The following PARD3 variants were observed in gnomAD, a reference collection of about 807,000 sequenced individuals.
PARD3 encodes the protein par-3 family cell polarity regulator.
PARD3 carries 75 observed loss-of-function variants against 155.4 expected under a neutral mutation model. The ratio of observed to expected loss-of-function variants is 0.48; its 90% CI spans 0.40 to 0.58. The LOEUF (loss-of-function observed/expected upper bound fraction) is 0.58. Among genes scored for constraint, PARD3 ranks in the 20% least tolerant of loss-of-function variants. PARD3 has a pLI of 0.00. For missense variants in PARD3, 1,642 were observed against 1,721.7 expected (o/e 0.95, Z 0.82); for synonymous variants, 576 against 610.5 (o/e 0.94, Z 0.83).
chr10:34,793,625 A>G (rs545077122), intron 1 of PARD3, among the ~76,000 whole-genome samples: 1 of 152,148 alleles, frequency 6.6e-6, no homozygotes, highest in Admixed American at 6.5e-5. Context: ...CATCTCTACT[A>G]AAAATGCAAA....
At chr10:34,237,976 CAAAAAGAGA>C (rs774619954) in intron 22 of PARD3, among the ~76,000 whole-genome samples, 4 of 151,142 alleles carry the variant, frequency 2.6e-5, no homozygotes, top group Non-Finnish European at 5.9e-5. Flanking sequence ...CAAAATGGAG[CAAAAAGAGA>C]AAAAAGCAGC....
chr10:34,540,152 C>T (rs2083501458), intron 2 of PARD3, among the ~76,000 whole-genome samples: 1 of 152,082 alleles, frequency 6.6e-6, no homozygotes, highest in Non-Finnish European at 1.5e-5. Flanking sequence ...CCTCCTGCTT[C>T]CCAGGACATT....
chr10:34,385,076 TA>T (rs1842214054), intron 7 of PARD3, among the ~76,000 whole-genome samples: 1 of 152,226 alleles, frequency 6.6e-6, no homozygotes, highest in Non-Finnish European at 1.5e-5. Flanking sequence ...TAAATCACAG[TA>T]TAAGCAACAG....
chr10:34,529,985 T>A (rs1488916547), intron 2 of PARD3, among the ~76,000 whole-genome samples: 1 of 152,162 alleles, frequency 6.6e-6, no homozygotes, highest in Non-Finnish European at 1.5e-5. Flanking sequence ...TCCTCCTGCC[T>A]CAGCCTCCCA....
intron 2 of PARD3, among the ~76,000 whole-genome samples, chr10:34,593,782 T>C (rs1315568673): frequency 1.3e-5 from 2 of 152,232 alleles, no homozygotes; most frequent in East Asian, 1.9e-4. Flanking sequence ...CTACCATTCA[T>C]ATGAGCATTA....
intron 22 of PARD3, among the ~76,000 whole-genome samples, chr10:34,140,045 A>G (rs948549305): frequency 6.6e-6 from 1 of 152,190 alleles, no homozygotes; most frequent in Admixed American, 6.5e-5. Flanking sequence ...GAGCAAACAC[A>G]GGTTTCTCAT....
At chr10:34,199,323 G>T (rs2133323986) in intron 22 of PARD3, among the ~76,000 whole-genome samples, 1 of 152,236 alleles carries the variant, frequency 6.6e-6, no homozygotes, top group African/African-American at 2.4e-5. Context: ...CTAGTGCTTT[G>T]GTGTTTGGCT....
intron 20 of PARD3, among the ~76,000 whole-genome samples, chr10:34,309,179 G>A (rs1261657538): frequency 6.6e-6 from 1 of 152,192 alleles, no homozygotes; most frequent in Non-Finnish European, 1.5e-5. Context: ...TGAGATCGTA[G>A]TTGGAGAGTA....
chr10:34,413,743 G>C (rs1277404855), intron 5 of PARD3, among the ~76,000 whole-genome samples: 2 of 151,996 alleles, frequency 1.3e-5, no homozygotes, highest in Non-Finnish European at 2.9e-5. Flanking sequence ...CCCTATATAT[G>C]AGGATTTTTT....
chr10:34,322,875 T>C (rs537752340), intron 19 of PARD3, among the ~76,000 whole-genome samples: 1 of 152,310 alleles, frequency 6.6e-6, no homozygotes, highest in Admixed American at 6.5e-5. Flanking sequence ...ACACAGATAC[T>C]TGAGCAATTT....
intron 22 of PARD3, among the ~76,000 whole-genome samples, chr10:34,193,445 G>T (rs1950801029): frequency 6.6e-6 from 1 of 152,032 alleles, no homozygotes; most frequent in South Asian, 2.1e-4. Flanking sequence ...ATTGGAATAG[G>T]AAGATTTTCC....
rs749527968 is a variant in PARD3, at chr10:34,111,486, T to C, written c.3745A>G (p.Ser1249Gly). Reference protein sequence around the residue: ...QNYSPGEGFQSAKENPRYSSY... With the variant: ...QNYSPGEGFQGAKENPRYSSY... ...GAGTACCTGGGGTTCTCTTTGGCAC[T>C]CTGGAAGCCTTCCCCAGGGGAGTAG... is the stretch of plus-strand genomic sequence containing the variant. Residue 1249 changes from serine (S) to glycine (G), a missense_variant, in exon 25 of 25, where the codon AGT becomes GGT. This residue lies in a region of PARD3 where 1,529 missense variants were observed against 1,587.3 expected (regional missense o/e 0.96). Coordinates refer to ENST00000374788, the MANE Select transcript of PARD3 (RefSeq NM_001184785.2). 3.1e-6 allele frequency: 5 copies of C among 1,614,092 alleles called. No individual in the cohort carries two copies. The highest frequency in any genetic ancestry group is 2.5e-6 in the Non-Finnish European group (3 of 1,179,988).
intron 3 of PARD3, among the ~76,000 whole-genome samples, chr10:34,505,420 A>C (rs1408495728): frequency 6.6e-6 from 1 of 152,200 alleles, no homozygotes; most frequent in Non-Finnish European, 1.5e-5. Flanking sequence ...TGAATGTGTA[A>C]ACCTGTTCTT....
At chr10:34,726,479 G>C (rs567741986) in intron 1 of PARD3, among the ~76,000 whole-genome samples, 2 of 152,022 alleles carry the variant, frequency 1.3e-5, no homozygotes, top group Non-Finnish European at 2.9e-5. Context: ...CCAGCTACTC[G>C]GGAGGCTGAG....
At chr10:34,300,722 T>C (rs768428325) in intron 20 of PARD3, among the ~76,000 whole-genome samples, 8 of 152,158 alleles carry the variant, frequency 5.3e-5, no homozygotes, top group Non-Finnish European at 7.3e-5. Flanking sequence ...TTTCTTGTTC[T>C]GTAAGCATGA....
intron 3 of PARD3, among the ~76,000 whole-genome samples, chr10:34,485,927 T>G (rs1305742738): frequency 2.7e-5 from 4 of 148,504 alleles, no homozygotes; most frequent in East Asian, 1.9e-4. Context: ...GGTTTTTTTT[T>G]TTTTTTTTTT....
At chr10:34,532,913 T>C (rs187858023) in intron 2 of PARD3, among the ~76,000 whole-genome samples, 19 of 152,342 alleles carry the variant, frequency 1.2e-4, no homozygotes, top group Admixed American at 1.2e-3. Flanking sequence ...GTGAACATCA[T>C]AGAGTATATT....
intron 19 of PARD3, among the ~76,000 whole-genome samples, chr10:34,325,240 T>C: frequency 6.6e-6 from 1 of 151,996 alleles, no homozygotes; most frequent in East Asian, 1.9e-4. Flanking sequence ...GAACTCCTGA[T>C]CTCAAGTGAT....
chr10:34,798,581 T>G (rs1842533785), intron 1 of PARD3, among the ~76,000 whole-genome samples: 1 of 151,474 alleles, frequency 6.6e-6, no homozygotes, highest in Admixed American at 6.6e-5. Flanking sequence ...GGTGGGTGCC[T>G]GTAACCCGAG....
Sources: gnomAD v4.1 joint callset for allele counts (sites outside exome capture counted in the v4.1 genomes callset) on GRCh38, gnomAD v4.1.1 for gene constraint, gnomAD v4.1.1 regional missense constraint, MANE v1.5 for transcripts, NCBI Gene and HGNC (gene_info 2026-07-23, HGNC 2026-07-21) for gene names.